DAB1: variants seen among roughly 807,000 people sequenced by gnomAD.
The protein encoded by DAB1 is disabled homolog 1.
Under a neutral mutation model 64.6 loss-of-function variants are expected in DAB1, and 15 were observed. That is an observed-to-expected ratio of 0.23 (90% CI 0.16 to 0.36). The LOEUF (loss-of-function observed/expected upper bound fraction) is 0.36. DAB1 is among the 10% of genes least tolerant of loss of function. The pLI is 1.00. For synonymous variants in DAB1, 235 were observed against 251.9 expected (o/e 0.93, Z 0.64); for missense variants, 596 against 706.7 (o/e 0.84, Z 1.78).
chr1:58,416,083 G>C (rs767708618), intron 3 of DAB1, among the ~76,000 whole-genome samples: 1 of 152,140 alleles, frequency 6.6e-6, no homozygotes, highest in Non-Finnish European at 1.5e-5. Context: ...AAGTAACAAA[G>C]AGGATGCAAT....
chr1:57,524,160 G>T (rs1644564117), intron 7 of DAB1, among the ~76,000 whole-genome samples: 1 of 152,002 alleles, frequency 6.6e-6, no homozygotes. Flanking sequence ...GCTTTCGGTG[G>T]GGGAAGGTGA....
intron 7 of DAB1, among the ~76,000 whole-genome samples, chr1:57,596,176 C>G (rs1045721241): frequency 6.6e-6 from 1 of 152,178 alleles, no homozygotes; most frequent in Non-Finnish European, 1.5e-5. Flanking sequence ...GGACACCATT[C>G]GAACATTCTT....
chr1:57,742,277 A>C (rs1648038783), intron 6 of DAB1, among the ~76,000 whole-genome samples: 1 of 152,242 alleles, frequency 6.6e-6, no homozygotes, highest in South Asian at 2.1e-4. Context: ...AGGCAGCAGC[A>C]GATGATGGAC....
intron 3 of DAB1, among the ~76,000 whole-genome samples, chr1:58,362,028 A>G (rs966393956): frequency 6.6e-6 from 1 of 151,688 alleles, no homozygotes. Context: ...CCACACCCAG[A>G]TAATTTTTGT....
In DAB1 at chr1:57,118,855, G is replaced by T. The variant is rs888306005; in HGVS notation, c.306+17688C>A. 2.6e-5 allele frequency among the ~76,000 whole-genome samples: 4 copies of T among 151,534 alleles called. No homozygotes were observed. The East Asian group carries it at 7.7e-4, about 29-fold the overall frequency. On this transcript the variant is annotated intron_variant, in intron 4 of 14. Transcript: ENST00000371236. Reference sequence around the variant, plus strand: ...TCCATTGTCTGATGAATAATCTGGGGTACAGACAAGTTAAGTAATATGCTT... The same window carrying T: ...TCCATTGTCTGATGAATAATCTGGGTTACAGACAAGTTAAGTAATATGCTT...
chr1:57,658,958 T>C (rs970641607), intron 6 of DAB1, among the ~76,000 whole-genome samples: 3 of 152,178 alleles, frequency 2.0e-5, no homozygotes, highest in African/African-American at 7.2e-5. Context: ...CTCTGGAAAT[T>C]CTCATTTTAG....
intron 9 of DAB1, 68 bp from the exon 10 acceptor site, chr1:57,026,111 A>T (rs1398326634): frequency 8.6e-7 from 1 of 1,156,532 alleles, no homozygotes; most frequent in African/African-American, 1.5e-5. Flanking sequence ...TGCTTTACAC[A>T]CAGTATGGTA....
At chr1:58,034,128 G>A (rs1042591834) in intron 5 of DAB1, among the ~76,000 whole-genome samples, 12 of 152,174 alleles carry the variant, frequency 7.9e-5, no homozygotes, top group South Asian at 2.1e-4. Context: ...AGAAAAGAGC[G>A]TATGACTTCT....
intron 7 of DAB1, among the ~76,000 whole-genome samples, chr1:57,622,063 C>T (rs1417453628): frequency 6.6e-6 from 1 of 152,076 alleles, no homozygotes. Context: ...TATTTATACT[C>T]GACTATTAAA....
chr1:58,153,322 A>G (rs1228948960), intron 4 of DAB1, among the ~76,000 whole-genome samples: 1 of 152,194 alleles, frequency 6.6e-6, no homozygotes, highest in African/African-American at 2.4e-5. Context: ...ATTTTCCAAA[A>G]AGCCCTGGAA....
rs529669507 is a variant in DAB1, at chr1:57,507,148, T to C, written n.625+142444A>G. On this transcript the variant is annotated intron_variant and non_coding_transcript_variant, in intron 7 of 20. Transcript: ENST00000485760. ...AACGCCAAAGTCCTTAGCTTACCGT[T>C]CAAGGCCCTTCACCATCTGGCCCTA... Among the ~76,000 whole-genome samples the C allele has an allele frequency of 2.0e-5, 3 of 152,274 alleles. No homozygotes were observed. The East Asian group carries it at 5.8e-4, about 29-fold the overall frequency.
At chr1:57,947,710 G>A (rs894356319) in intron 5 of DAB1, among the ~76,000 whole-genome samples, 13 of 152,174 alleles carry the variant, frequency 8.5e-5, no homozygotes, top group Non-Finnish European at 1.8e-4. Flanking sequence ...TCAGAAGAGG[G>A]AGAAATTGAC....
intron 7 of DAB1, among the ~76,000 whole-genome samples, chr1:57,473,983 C>G (rs1643902217): frequency 6.6e-6 from 1 of 152,038 alleles, no homozygotes; most frequent in Non-Finnish European, 1.5e-5. Flanking sequence ...CAATATAAAA[C>G]AAAAGAACAA....
chr1:57,047,423 G>C (rs560408175), intron 9 of DAB1, among the ~76,000 whole-genome samples: 1 of 152,206 alleles, frequency 6.6e-6, no homozygotes, highest in African/African-American at 2.4e-5. Flanking sequence ...GCTAGATTAG[G>C]TAAAGGGTGG....
intron 1 of DAB1, among the ~76,000 whole-genome samples, chr1:57,838,453 A>G (rs1355670015): frequency 6.6e-6 from 1 of 152,178 alleles, no homozygotes; most frequent in East Asian, 1.9e-4. Context: ...ATTATGTATA[A>G]GAACAGAAAA....
intron 5 of DAB1, among the ~76,000 whole-genome samples, chr1:58,126,455 CTT>C (rs113023484): frequency 6.8e-6 from 1 of 146,768 alleles, no homozygotes; most frequent in Non-Finnish European, 1.5e-5. Context: ...TTCTTTTTTT[CTT>C]TTTTTTTTTT....
At chr1:57,486,627 A>G (rs1343103308) in intron 7 of DAB1, among the ~76,000 whole-genome samples, 2 of 152,170 alleles carry the variant, frequency 1.3e-5, no homozygotes, top group Non-Finnish European at 2.9e-5. Context: ...TTTGAGATAT[A>G]TGTTTTTTTA....
intron 5 of DAB1, among the ~76,000 whole-genome samples, chr1:58,075,903 T>C (rs1649606285): frequency 6.6e-6 from 1 of 151,952 alleles, no homozygotes; most frequent in African/African-American, 2.4e-5. Context: ...TCACCAACGC[T>C]ATTGAGAATA....
intron 7 of DAB1, among the ~76,000 whole-genome samples, chr1:57,573,398 T>C (rs1263527554): frequency 6.6e-6 from 1 of 152,188 alleles, no homozygotes; most frequent in Admixed American, 6.5e-5. Flanking sequence ...GACCTCATTA[T>C]AATTAATTAT....
Sources: gnomAD v4.1 joint callset for allele counts (sites outside exome capture counted in the v4.1 genomes callset) on GRCh38, gnomAD v4.1.1 for gene constraint, MANE v1.5 for transcripts, NCBI Gene and HGNC (gene_info 2026-07-23, HGNC 2026-07-21) for gene names.